The following NUP35 variants were observed in gnomAD, a reference collection of about 807,000 sequenced individuals.
NUP35 encodes nucleoporin NUP35.
In NUP35, 25 loss-of-function variants were observed where a neutral mutation model predicts 41.5. The ratio of observed to expected loss-of-function variants is 0.60; its 90% CI spans 0.44 to 0.84. The LOEUF is 0.84. Among genes scored for constraint, NUP35 ranks in the 40% least tolerant of loss-of-function variants. The probability of loss-of-function intolerance (pLI) is 0.00; values close to 1 mark genes in which losing one functional copy is unlikely to be tolerated. For missense variants in NUP35, 396 were observed against 396.6 expected, an observed-to-expected ratio of 1.00 and a Z score of 0.01; for synonymous variants, 149 against 130.7, an observed-to-expected ratio of 1.14 and a Z score of -0.96.
chr2:183,122,626 T>C (rs1362036799), upstream of NUP35, among the ~76,000 whole-genome samples: 1 of 152,188 alleles, frequency 6.6e-6, no homozygotes. Flanking sequence ...AGATCATAAT[T>C]TGTATAGAAA....
chr2:183,142,049 ATCAT>A (rs994794732), intron 4 of NUP35, among the ~76,000 whole-genome samples: 1 of 152,252 alleles, frequency 6.6e-6, no homozygotes, highest in African/African-American at 2.4e-5. Flanking sequence ...TTTTGGAGGC[ATCAT>A]TCCATTGTCT....
chr2:183,121,245 A>T (rs1248353463), upstream of NUP35, among the ~76,000 whole-genome samples: 3 of 152,204 alleles, frequency 2.0e-5, no homozygotes, highest in Non-Finnish European at 4.4e-5. Flanking sequence ...TTATTTCGGA[A>T]GAGCATTACA....
chr2:183,142,715 A>C (rs1020740414), intron 4 of NUP35, among the ~76,000 whole-genome samples: 1 of 151,818 alleles, frequency 6.6e-6, no homozygotes, highest in African/African-American at 2.4e-5. Context: ...CCTGACCTCA[A>C]GTGATCCACC....
chr2:183,139,230 A>G (rs1233665753), intron 4 of NUP35, among the ~76,000 whole-genome samples: 4 of 147,236 alleles, frequency 2.7e-5, no homozygotes, highest in East Asian at 2.0e-4. Flanking sequence ...TTTTTTTGAG[A>G]AAAGATCTCG....
At chr2:183,148,798 A>G (rs1685365096) in intron 4 of NUP35, among the ~76,000 whole-genome samples, 1 of 152,134 alleles carries the variant, frequency 6.6e-6, no homozygotes, top group Non-Finnish European at 1.5e-5. Context: ...AGCTGGGACC[A>G]CAGGCACACA....
At chr2:183,131,621 T>C (rs764522624) in intron 3 of NUP35, among the ~76,000 whole-genome samples, 6 of 152,234 alleles carry the variant, frequency 3.9e-5, no homozygotes, top group Non-Finnish European at 8.8e-5. Flanking sequence ...ACTAGCTAAG[T>C]GTGGCTATTG....
intron 2 of NUP35, 61 bp from the exon 3 acceptor site, chr2:183,130,357 T>C (rs997764359): frequency 1.3e-6 from 2 of 1,487,874 alleles, no homozygotes; most frequent in African/African-American, 2.9e-5. Flanking sequence ...AAAATATAAA[T>C]TTAAAAAATC....
At chr2:183,145,527 G>A (rs1685249148) in intron 4 of NUP35, among the ~76,000 whole-genome samples, 1 of 152,124 alleles carries the variant, frequency 6.6e-6, no homozygotes, top group Non-Finnish European at 1.5e-5. Context: ...ATAGGATGAT[G>A]TACTTTAGTA....
At chr2:183,150,339 G>T (rs747489797) in intron 4 of NUP35, among the ~76,000 whole-genome samples, 3 of 152,114 alleles carry the variant, frequency 2.0e-5, no homozygotes, top group Non-Finnish European at 4.4e-5. Flanking sequence ...TCATGATCCG[G>T]CATATTGCTG....
chr2:183,139,923 T>C (rs1250767484), intron 4 of NUP35, among the ~76,000 whole-genome samples: 1 of 152,240 alleles, frequency 6.6e-6, no homozygotes, highest in Non-Finnish European at 1.5e-5. Context: ...GTAACTAATA[T>C]ATGTAAATAT....
intron 1 of NUP35, among the ~76,000 whole-genome samples, chr2:183,126,994 C>G (rs939728715): frequency 1.3e-5 from 2 of 152,202 alleles, no homozygotes; most frequent in African/African-American, 4.8e-5. Context: ...GGTACCAGGT[C>G]AAGCTATACT....
chr2:183,146,328 ACTAAT>A (rs1685276777), intron 4 of NUP35, among the ~76,000 whole-genome samples: 2 of 152,240 alleles, frequency 1.3e-5, no homozygotes, highest in Admixed American at 1.3e-4. Context: ...AGAAACTAGA[ACTAAT>A]CTAATTTAAC....
At position 183,161,626 on chromosome 2, in the gene NUP35, C is replaced by T. The variant is rs1257485706; in HGVS notation, c.*495C>T. 1 of 152,074 alleles carries T rather than the reference C, an allele frequency of 6.6e-6. No individual in the cohort carries two copies. Among genetic ancestry groups the T allele is most frequent in the African/African-American group, 2.4e-5 (1 of 41,384 alleles). 9.4% of individuals were successfully genotyped at this position (152,074 alleles called of 1,614,324 possible). On this transcript the variant is annotated 3_prime_UTR_variant, in exon 9 of 9. Transcript: ENST00000295119. The stretch of plus-strand genomic sequence containing the variant: ...AGTGTCCTCTTGGTGTATTCTAAAA[C>T]GAGCATTCTTTTAAAAAACCTAAAG...
chr2:183,146,831 A>C (rs1685297578), intron 4 of NUP35, among the ~76,000 whole-genome samples: 1 of 152,162 alleles, frequency 6.6e-6, no homozygotes, highest in Non-Finnish European at 1.5e-5. Flanking sequence ...TCGTGACCTC[A>C]GGTGATCCAA....
rs377500623 is a variant in NUP35, at chr2:183,118,339, TA to T, written c.-121+720del. Reference sequence around the variant, plus strand: ...TCTAAAATTGCAGTTTAACAAGAAATAAAAAAAGTACAAATGTTTCTCATTC... The same window carrying T: ...TCTAAAATTGCAGTTTAACAAGAAATAAAAAAGTACAAATGTTTCTCATTC... On this transcript the variant is annotated intron_variant, in intron 1 of 9. Coordinates refer to the NUP35 transcript ENST00000409798. 191 of 152,194 alleles carry T rather than the reference TA, an allele frequency of 1.3e-3. 2 individuals are homozygous for T. The highest frequency in any genetic ancestry group is 4.3e-3 in the African/African-American group (177 of 41,540). The allele number at this position is 152,194 out of a possible 1,614,324, so 9.4% of individuals were successfully genotyped here. A position where few individuals can be genotyped will look rare whatever the true frequency, so the allele number is the denominator to read the frequency against.
chr2:183,160,702 CA>C (rs1236931019), intron 8 of NUP35: 1 of 153,730 alleles, frequency 6.5e-6, no homozygotes, highest in African/African-American at 2.4e-5. Flanking sequence ...ATTTAAGAAA[CA>C]GATGTTATTT....
intron 4 of NUP35, among the ~76,000 whole-genome samples, chr2:183,140,686 G>A (rs1685058849): frequency 6.6e-6 from 1 of 152,004 alleles, no homozygotes; most frequent in Non-Finnish European, 1.5e-5. Flanking sequence ...AGCCAAGCAT[G>A]GTGGTGGACA....
intron 5 of NUP35, 72 bp from the exon 6 acceptor site, chr2:183,157,372 T>G (rs1437530266): frequency 3.6e-6 from 4 of 1,097,038 alleles, no homozygotes; most frequent in Non-Finnish European, 5.6e-6. Context: ...TCTTGAAACA[T>G]TATCTTGTAG....
rs779183582 is a variant in NUP35, at chr2:183,128,290, C to A, written c.44C>A (p.Ser15Tyr). 8.7e-6 allele frequency: 14 copies of A among 1,606,920 alleles called. No homozygotes were observed. The highest frequency in any genetic ancestry group is 1.1e-5 in the Non-Finnish European group (13 of 1,175,922). Residue 15 changes from serine (S) to tyrosine (Y), a missense_variant, in exon 2 of 9, where the codon TCT becomes TAT. Physicochemically the swap from Ser to Tyr is moderately radical, Grantham distance 144. Transcript: ENST00000295119. The part of the protein sequence containing the change: ...AVEPQGPALG[S>Y]EPMMLGSPTS... ...ATTTATTTTTTGATTCATGTAGGATCTGAACCAATGATGCTGGGTTCACCC... is the reference window on the plus strand; with the variant it reads ...ATTTATTTTTTGATTCATGTAGGATATGAACCAATGATGCTGGGTTCACCC...
Sources: allele counts gnomAD v4.1 joint callset (sites outside exome capture counted in the v4.1 genomes callset), GRCh38; gene constraint gnomAD v4.1.1; transcripts MANE v1.5; gene names NCBI Gene and HGNC (gene_info 2026-07-23, HGNC 2026-07-21).